ZC3H12B: variants seen among roughly 807,000 people sequenced by gnomAD.
ZC3H12B encodes the protein zinc finger CCCH-type containing 12B.
In ZC3H12B, 7 loss-of-function variants were observed where a neutral mutation model predicts 43.9. That is an observed-to-expected ratio of 0.16 (90% CI 0.09 to 0.30). The LOEUF (loss-of-function observed/expected upper bound fraction) is 0.30. ZC3H12B is among the 10% of genes least tolerant of loss of function. The pLI, the probability that ZC3H12B is intolerant of heterozygous loss-of-function variation, is 1.00. For synonymous variants in ZC3H12B, 222 were observed against 241.7 expected (o/e 0.92, Z 0.76); for missense variants, 475 against 670.2 (o/e 0.71, Z 3.22).
At chrX:65,040,577 T>C in the ZC3H12B span, among the ~76,000 whole-genome samples, 1 of 110,408 alleles carries the variant, frequency 9.1e-6, no homozygotes, top group Non-Finnish European at 1.9e-5. Flanking sequence ...GAGTGAAGTT[T>C]TGAATTTTAG....
At chrX:65,449,089 CAGAA>C (rs1212330209) in intron 3 of ZC3H12B, among the ~76,000 whole-genome samples, 1 of 108,744 alleles carries the variant, frequency 9.2e-6, no homozygotes, top group Admixed American at 9.8e-5. Context: ...GAAAGAGAAA[CAGAA>C]AGAAAAGAAA....
chrX:65,206,989 C>CA, the ZC3H12B span, among the ~76,000 whole-genome samples: 1 of 95,829 alleles, frequency 1.0e-5, no homozygotes, highest in Non-Finnish European at 2.0e-5. Context: ...TGGCCATAAT[C>CA]AAAAAATCAA....
chrX:65,161,289 A>C, the ZC3H12B span, among the ~76,000 whole-genome samples: 1 of 111,484 alleles, frequency 9.0e-6, no homozygotes, highest in Non-Finnish European at 1.9e-5. Context: ...CGCTTGGTGC[A>C]GAGCTGAATT....
At chrX:65,158,426 C>T in the ZC3H12B span, among the ~76,000 whole-genome samples, 1 of 111,567 alleles carries the variant, frequency 9.0e-6, no homozygotes, top group Non-Finnish European at 1.9e-5. Flanking sequence ...ACATCCTCTC[C>T]AGCACCTGTT....
the ZC3H12B span, among the ~76,000 whole-genome samples, chrX:65,287,597 C>CA: frequency 9.1e-6 from 1 of 109,953 alleles, no homozygotes; most frequent in African/African-American, 3.3e-5. Flanking sequence ...CCCATCTTTA[C>CA]AAAAAGAAAT....
the ZC3H12B span, among the ~76,000 whole-genome samples, chrX:65,204,702 A>G: frequency 8.9e-6 from 1 of 112,075 alleles, no homozygotes; most frequent in African/African-American, 3.2e-5. Flanking sequence ...TCCTGGTTAT[A>G]AAGGTAGCTC....
the ZC3H12B span, among the ~76,000 whole-genome samples, chrX:65,057,755 C>T: frequency 8.9e-6 from 1 of 111,765 alleles, no homozygotes; most frequent in Non-Finnish European, 1.9e-5. Context: ...CATATAGTCC[C>T]ATATTTCTTG....
the ZC3H12B span, among the ~76,000 whole-genome samples, chrX:65,321,161 A>G: frequency 9.0e-6 from 1 of 110,749 alleles, no homozygotes; most frequent in East Asian, 2.8e-4. Flanking sequence ...GAGATCTAAT[A>G]ACCAGCATCT....
the ZC3H12B span, among the ~76,000 whole-genome samples, chrX:65,135,625 C>A: frequency 9.2e-6 from 1 of 108,660 alleles, no homozygotes; most frequent in African/African-American, 3.3e-5. Context: ...CCAGTTATTT[C>A]TTGTAGTACT....
At chrX:65,118,700 T>C in the ZC3H12B span, among the ~76,000 whole-genome samples, 1 of 110,058 alleles carries the variant, frequency 9.1e-6, no homozygotes, top group Non-Finnish European at 1.9e-5. Context: ...GTGCACAACC[T>C]GCAGGTTTGT....
At chrX:65,103,103 C>T in the ZC3H12B span, among the ~76,000 whole-genome samples, 20 of 111,122 alleles carry the variant, frequency 1.8e-4, no homozygotes, top group Non-Finnish European at 3.6e-4. Flanking sequence ...ATTTACTAGG[C>T]AGGAATTTCC....
chrX:65,385,061 A>G (rs1264317827), intron 2 of ZC3H12B, among the ~76,000 whole-genome samples: 1 of 111,981 alleles, frequency 8.9e-6, no homozygotes, highest in Non-Finnish European at 1.9e-5. Context: ...GCCTTGTAGT[A>G]TAGTTTGAAG....
At chrX:65,480,132 T>C (rs2068045577) in intron 3 of ZC3H12B, among the ~76,000 whole-genome samples, 1 of 112,606 alleles carries the variant, frequency 8.9e-6, no homozygotes, top group African/African-American at 3.2e-5. Context: ...CTTTTACTGA[T>C]AATCAGATTT....
chrX:65,379,815 A>C (rs1602345530), intron 2 of ZC3H12B, among the ~76,000 whole-genome samples: 1 of 112,587 alleles, frequency 8.9e-6, no homozygotes, highest in African/African-American at 3.2e-5. Flanking sequence ...AGAATGCAGA[A>C]GCCTCAGGAG....
chrX:65,227,176 A>G, the ZC3H12B span, among the ~76,000 whole-genome samples: 2 of 111,937 alleles, frequency 1.8e-5, no homozygotes, highest in South Asian at 3.7e-4. Context: ...AATTATAACA[A>G]AGTGTCTCTC....
chrX:65,310,634 T>A, the ZC3H12B span, among the ~76,000 whole-genome samples: 2 of 111,612 alleles, frequency 1.8e-5, no homozygotes, highest in Admixed American at 9.5e-5. Flanking sequence ...TTCACAGAAT[T>A]GGAAAAAACT....
At chrX:65,274,787 A>T in the ZC3H12B span, among the ~76,000 whole-genome samples, 3 of 111,135 alleles carry the variant, frequency 2.7e-5, no homozygotes, top group African/African-American at 9.8e-5. Context: ...TAAGGGCCTG[A>T]AAAACAGTCC....
chrX:65,203,637 C>T, the ZC3H12B span, among the ~76,000 whole-genome samples: 10 of 109,542 alleles, frequency 9.1e-5, no homozygotes, highest in African/African-American at 3.3e-4. Context: ...TGTCCCTTCC[C>T]CTCCTCTCAA....
chrX:65,127,401 G>A, the ZC3H12B span, among the ~76,000 whole-genome samples: 2 of 112,034 alleles, frequency 1.8e-5, no homozygotes, highest in African/African-American at 6.5e-5. Context: ...TCTAGTGGAG[G>A]TAGCAGGAGA....
Sources: allele counts gnomAD v4.1 joint callset (sites outside exome capture counted in the v4.1 genomes callset), GRCh38; gene constraint gnomAD v4.1.1; transcripts MANE v1.5; gene names NCBI Gene and HGNC (gene_info 2026-07-23, HGNC 2026-07-21).